Variants in PRICKLE3 observed in about 807,000 individuals in gnomAD.
PRICKLE3 encodes the protein prickle planar cell polarity protein 3.
Under a neutral mutation model 33.8 loss-of-function variants are expected in PRICKLE3, and 17 were observed. The observed-to-expected ratio is 0.50, with a 90% CI of 0.34 to 0.75. The LOEUF is 0.75. Among genes scored for constraint, PRICKLE3 ranks in the 30% least tolerant of loss-of-function variants. The pLI is 0.01. For synonymous variants in PRICKLE3, 211 were observed against 219.6 expected, an observed-to-expected ratio of 0.96 and a Z score of 0.34; for missense variants, 573 against 576.7, an observed-to-expected ratio of 0.99 and a Z score of 0.07.
At chrX:49,180,589 C>CT (rs1217524095) in intron 3 of PRICKLE3, among the ~76,000 whole-genome samples, 2 of 111,433 alleles carry the variant, frequency 1.8e-5, no homozygotes, top group Non-Finnish European at 3.8e-5. Flanking sequence ...CCTGGAAACA[C>CT]TTTCTTCCCT....
Position 49,184,569 on chromosome X carries a change from T to A in PRICKLE3, c.128+56A>T, listed in dbSNP as rs1302220418. On this transcript the variant is annotated intron_variant, in intron 2 of 8. Coordinates refer to ENST00000599218, the MANE Select transcript of PRICKLE3 (RefSeq NM_006150.5). ...GGGGCGTGGCGTAAGGCTCCTGGAT[T>A]TCCCCCCGAAGGCGGAGCTCTGACA... The A allele has an allele frequency of 1.3e-5, 13 of 1,023,059 alleles. No individual in the cohort carries two copies. In the South Asian group the frequency reaches 2.4e-4, roughly 19 times the overall value. 84.3% of individuals were successfully genotyped at this position (1,023,059 alleles called of 1,213,427 possible).
At chrX:49,181,578 TATATATACGC>T (rs2065454482) in intron 3 of PRICKLE3, among the ~76,000 whole-genome samples, 1 of 64,973 alleles carries the variant, frequency 1.5e-5, no homozygotes, top group African/African-American at 6.2e-5. Context: ...TATATACGTA[TATATATACGC>T]GTGTATCTAT....
Position 49,175,914 on chromosome X carries a change from G to C in PRICKLE3, c.1607C>G (p.Ala536Gly). 2 of 1,211,309 alleles carry C rather than the reference G, an allele frequency of 1.7e-6. No homozygotes were observed. Among genetic ancestry groups the C allele is most frequent in the Admixed American group, 4.3e-5 (2 of 45,985 alleles). ...PSRRRHYQCD[A>G]GSGSDSESCS... ...AGATTCCGAGTCTGACCCTGATCCC[G>C]CGTCACATTGATAGTGGCGACGTCT... Residue 536 changes from alanine (A) to glycine (G), a missense_variant, in exon 9 of 9, where the codon GCG (alanine) becomes GGG (glycine). Ala to Gly is a moderately conservative substitution (Grantham distance 60). Coordinates refer to ENST00000599218, the MANE Select transcript of PRICKLE3 (RefSeq NM_006150.5).
intron 3 of PRICKLE3, among the ~76,000 whole-genome samples, chrX:49,180,515 T>G (rs182722132): frequency 9.0e-6 from 1 of 111,325 alleles, no homozygotes; most frequent in African/African-American, 3.3e-5. Flanking sequence ...AAATCATTGT[T>G]CAGGTCTCAG....
chrX:49,178,622 G>C, intron 5 of PRICKLE3, 147 bp from the exon 6 acceptor site: 1 of 559,358 alleles, frequency 1.8e-6, no homozygotes, highest in South Asian at 3.0e-5. Flanking sequence ...TTTGACACAG[G>C]CCCTGCCTAT....
chrX:49,179,651 G>T, intron 4 of PRICKLE3, 42 bp downstream of exon 4: 1 of 1,049,297 alleles, frequency 9.5e-7, no homozygotes, highest in Non-Finnish European at 1.3e-6. Context: ...CCCAGGCTGT[G>T]TGCTGTGCCT....
At chrX:49,184,879 A>G in intron 1 of PRICKLE3, 169 bp from the exon 2 acceptor site, 1 of 1,146,245 alleles carries the variant, frequency 8.7e-7, no homozygotes, top group Non-Finnish European at 1.2e-6. Flanking sequence ...GGAGCGGGAC[A>G]CAACCGAGGC....
chrX:49,181,450 T>A (rs782577265), intron 3 of PRICKLE3, among the ~76,000 whole-genome samples: 1 of 94,192 alleles, frequency 1.1e-5, no homozygotes, highest in East Asian at 3.2e-4. Flanking sequence ...GTAAATTATA[T>A]ACGTAAAATA....
chrX:49,182,384 C>G (rs1442952808), intron 3 of PRICKLE3, among the ~76,000 whole-genome samples: 2 of 111,861 alleles, frequency 1.8e-5, no homozygotes, highest in Non-Finnish European at 3.8e-5. Context: ...AACCCTCTTG[C>G]GACTTCCCTT....
chrX:49,184,796 C>T (rs942237602), intron 1 of PRICKLE3, 86 bp from the exon 2 acceptor site: 8 of 1,163,132 alleles, frequency 6.9e-6, no homozygotes, highest in Non-Finnish European at 9.2e-6. Flanking sequence ...CACTTCATTG[C>T]CCGCGACCGC....
chrX:49,183,538 G>A, intron 3 of PRICKLE3, 196 bp downstream of exon 3: 2 of 922,974 alleles, frequency 2.2e-6, no homozygotes, highest in South Asian at 5.1e-5. Flanking sequence ...AGGCCCTGAG[G>A]AACTGGTCCC....
rs782238610 is a variant in PRICKLE3, at chrX:49,175,698, C to T, written c.1823G>A (p.Arg608Gln). Residue 608 changes from arginine (R) to glutamine (Q), a missense_variant, in exon 9 of 9, where the codon CGA (arginine) becomes CAA (glutamine). Arg to Gln is a conservative substitution (Grantham distance 43, BLOSUM62 1). Transcript: ENST00000599218. Reference protein sequence around the residue: ...DSRAGMPRQARDKNCIVA With the variant: ...DSRAGMPRQAQDKNCIVA ...TCAAGCCACGATGCAGTTCTTGTCT[C>T]GGGCCTGACGAGGCATCCCTGCGCG... The T allele has an allele frequency of 3.3e-6, 4 of 1,210,767 alleles. No individual in the cohort carries two copies. The highest frequency in any genetic ancestry group is 2.3e-4 in the Middle Eastern group (1 of 4,334).
Position 49,176,952 on chromosome X carries a change from C to T in PRICKLE3, c.1206G>A (p.Lys402=). The change falls in exon 8 of 9, where the codon AAG becomes AAA. Residue 402 remains lysine, a synonymous_variant. Transcript: ENST00000599218. The part of the protein sequence containing the change: ...AASTASFSAV[K]GASETTTKGT... ...CTTTGGTGGTGGTCTCTGATGCCCCCTTCACAGCAGAGAAAGAGGCTGTGG... is the reference window on the plus strand; with the variant it reads ...CTTTGGTGGTGGTCTCTGATGCCCCTTTCACAGCAGAGAAAGAGGCTGTGG... 8.3e-7 allele frequency: 1 copy of T among 1,209,469 alleles called. No individual in the cohort carries two copies.
chrX:49,183,473 G>T, intron 3 of PRICKLE3: 1 of 562,317 alleles, frequency 1.8e-6, no homozygotes, highest in Non-Finnish European at 2.7e-6. Flanking sequence ...GTGGGCAACA[G>T]AGTGAGACCC....
In PRICKLE3 at chrX:49,175,960, G is replaced by A. The variant is rs1557099880; in HGVS notation, c.1561C>T (p.His521Tyr). The change falls in exon 9 of 9, where the codon CAT becomes TAT. Residue 521 changes from histidine to tyrosine, a missense_variant. Coordinates refer to ENST00000599218, the MANE Select transcript of PRICKLE3 (RefSeq NM_006150.5). ...RRHHHHNHHH[H>Y]HNRHPSRRRH... The stretch of plus-strand genomic sequence containing the variant: ...CGTCTGCTTGGGTGGCGGTTGTGAT[G>A]GTGATGGTGATTATGATGATGGTGG... The A allele has an allele frequency of 2.0e-5, 24 of 1,211,392 alleles. No homozygotes were observed. The highest frequency in any genetic ancestry group is 2.7e-5 in the Non-Finnish European group (24 of 895,484).
In PRICKLE3 at chrX:49,186,301, G is replaced by A. The variant is rs1557101885; in HGVS notation, c.-4C>T. ...TCCGGGACCCACGCGCGAACATGGC[G>A]CGCCCGGGCAGGGTCAAGCCGGGCC... is the stretch of plus-strand genomic sequence containing the variant. On this transcript the variant is annotated 5_prime_UTR_variant, in exon 1 of 9. Transcript: ENST00000599218. 2.6e-6 allele frequency: 3 copies of A among 1,144,742 alleles called. No individual in the cohort carries two copies. The highest frequency in any genetic ancestry group is 1.2e-6 in the Non-Finnish European group (1 of 862,663). 94.3% of individuals were successfully genotyped at this position (1,144,742 alleles called of 1,213,427 possible).
In PRICKLE3 at chrX:49,183,745, T is replaced by A; in HGVS notation, c.301A>T (p.Lys101Ter). ...TGGCCTCTGGTCACCTGCTCCGGCT[T>A]AAGGCCTGGGGGCACCCAGGCATAC... ...EEYAWVPPGL[K>*]PEQVYQFFSC... is the part of the protein sequence containing the mutation. The change falls in exon 3 of 9, where the codon AAG (lysine) becomes TAG (stop). Residue 101 changes from lysine to a stop codon, truncating the protein, a stop_gained. Transcript: ENST00000599218. LOFTEE classifies it high-confidence loss of function. 2 of 1,211,556 alleles carry A rather than the reference T, an allele frequency of 1.7e-6. No homozygotes were observed. The highest frequency in any genetic ancestry group is 2.2e-6 in the Non-Finnish European group (2 of 895,386).
In PRICKLE3 at chrX:49,175,250, C is replaced by A; in HGVS notation, c.*423G>T. On this transcript the variant is annotated 3_prime_UTR_variant, in exon 9 of 9. Transcript: ENST00000599218. ...AATAATACAAACGAGAGGCCCGGTG[C>A]GGTGGCTCATGCCTGTAATCCCAGT... 5.9e-6 allele frequency: 1 copy of A among 170,524 alleles called. No individual in the cohort carries two copies. The highest frequency in any genetic ancestry group is 1.1e-5 in the Non-Finnish European group (1 of 90,291). 14.1% of individuals were successfully genotyped at this position (170,524 alleles called of 1,213,427 possible).
Position 49,186,367 on chromosome X carries a change from C to CGCGT in PRICKLE3, c.-74_-71dup, listed in dbSNP as rs1375105601. 19 of 1,000,040 alleles carry CGCGT rather than the reference C, an allele frequency of 1.9e-5. No individual in the cohort carries two copies. In the Admixed American group the frequency reaches 2.2e-4, roughly 12 times the overall value. 82.4% of individuals were successfully genotyped at this position (1,000,040 alleles called of 1,213,427 possible). ...AATCCTTGCGACCGTCAGGCCACCGCGCGTCCGGCCTGGGAACTCGGTTCC... is the reference window on the plus strand; with the variant it reads ...AATCCTTGCGACCGTCAGGCCACCGCGCGTGCGTCCGGCCTGGGAACTCGGTTCC... On this transcript the variant is annotated 5_prime_UTR_variant, in exon 1 of 9. Coordinates refer to ENST00000599218, the MANE Select transcript of PRICKLE3 (RefSeq NM_006150.5).
Sources: gnomAD v4.1 joint callset for allele counts (sites outside exome capture counted in the v4.1 genomes callset) on GRCh38, gnomAD v4.1.1 for gene constraint, MANE v1.5 for transcripts, NCBI Gene and HGNC (gene_info 2026-07-23, HGNC 2026-07-21) for gene names.